ELAPOR2: variants seen among roughly 807,000 people sequenced by gnomAD.
ELAPOR2 encodes the protein endosome-lysosome associated apoptosis and autophagy regulator family member 2, also known as endosome/lysosome-associated apoptosis and autophagy regulator family member 2.
A neutral mutation model predicts 120.7 loss-of-function variants in ELAPOR2; 89 were observed. The ratio of observed to expected loss-of-function variants is 0.74; its 90% CI spans 0.62 to 0.88. The LOEUF is 0.88. Ranked by LOEUF, ELAPOR2 falls within the 40% of genes least tolerant of loss-of-function variation. The pLI, the probability that ELAPOR2 is intolerant of heterozygous loss-of-function variation, is 0.00. For missense variants in ELAPOR2, 1,134 were observed against 1,251.6 expected, an observed-to-expected ratio of 0.91 and a Z score of 1.42; for synonymous variants, 444 against 444.9, an observed-to-expected ratio of 1.00 and a Z score of 0.03.
chr7:86,954,806 C>T (rs925522179), intron 2 of ELAPOR2, among the ~76,000 whole-genome samples: 1 of 152,024 alleles, frequency 6.6e-6, no homozygotes, highest in African/African-American at 2.4e-5. Flanking sequence ...GCCCATATGT[C>T]TATTTTTCTT....
rs1562947118 is a variant in ELAPOR2 at position 86,964,886 on chromosome 7, C to A, written c.310+18G>T. ...TTGTTTAATCAAGAAAACAAATGGTCAAAATGACAAAACATACTGCATTCT... is the reference window on the plus strand; with the variant it reads ...TTGTTTAATCAAGAAAACAAATGGTAAAAATGACAAAACATACTGCATTCT... On this transcript the variant is annotated intron_variant, in intron 2 of 21. Transcript: ENST00000450689. 6.4e-7 allele frequency: 1 copy of A among 1,551,060 alleles called. No homozygotes were observed. Among genetic ancestry groups the A allele is most frequent in the Non-Finnish European group, 8.7e-7 (1 of 1,146,652 alleles).
intron 1 of ELAPOR2, among the ~76,000 whole-genome samples, chr7:86,985,117 C>A (rs1342483873): frequency 1.3e-5 from 2 of 152,120 alleles, no homozygotes; most frequent in African/African-American, 4.8e-5. Context: ...CACACACACC[C>A]TCCCAAGACA....
At chr7:86,904,588 A>C (rs1486903681) in intron 18 of ELAPOR2, among the ~76,000 whole-genome samples, 2 of 152,206 alleles carry the variant, frequency 1.3e-5, no homozygotes, top group Non-Finnish European at 2.9e-5. Context: ...TTATGGAACT[A>C]GAAGCCAACT....
intron 19 of ELAPOR2, among the ~76,000 whole-genome samples, chr7:86,894,574 C>G (rs1788348104): frequency 6.6e-6 from 1 of 151,782 alleles, no homozygotes; most frequent in Non-Finnish European, 1.5e-5. Flanking sequence ...ACTTGCAAAC[C>G]AAGAATGCTT....
chr7:87,059,280 G>C lies in ELAPOR2; in HGVS notation c.189+45C>G, dbSNP rs572654375. 409 of 1,244,726 alleles carry C rather than the reference G, an allele frequency of 3.3e-4. 1 individual carries two copies. Among genetic ancestry groups the C allele is most frequent in the Admixed American group, 3.8e-4 (9 of 23,576 alleles). 77.1% of individuals were successfully genotyped at this position (1,244,726 alleles called of 1,614,324 possible). A position where few individuals can be genotyped will look rare whatever the true frequency, so the allele number is the denominator to read the frequency against. On this transcript the variant is annotated intron_variant, in intron 1 of 21. Coordinates refer to ENST00000450689, the MANE Select transcript of ELAPOR2 (RefSeq NM_001142749.3). ...ACCGCTCTCAGCCTTCATCTTCCGCGCCCTCCCCCAGCAAACTCCAGGTAG... is the reference window on the plus strand; with the variant it reads ...ACCGCTCTCAGCCTTCATCTTCCGCCCCCTCCCCCAGCAAACTCCAGGTAG...
intron 21 of ELAPOR2, 50 bp downstream of exon 21, chr7:86,891,674 C>T: frequency 6.7e-7 from 1 of 1,498,496 alleles, no homozygotes. Context: ...GTTAATATGC[C>T]CTCTACTTTA....
intron 1 of ELAPOR2, among the ~76,000 whole-genome samples, chr7:87,055,736 T>C (rs886219820): frequency 1.3e-5 from 2 of 152,210 alleles, no homozygotes; most frequent in African/African-American, 4.8e-5. Flanking sequence ...TTAACTGCAA[T>C]GTTTGTTTAC....
chr7:86,881,243 C>T (rs1799384954), intron 21 of ELAPOR2, among the ~76,000 whole-genome samples: 1 of 152,138 alleles, frequency 6.6e-6, no homozygotes, highest in African/African-American at 2.4e-5. Context: ...GTCACCTAAG[C>T]TGGAGTACAG....
chr7:86,897,558 C>T lies in ELAPOR2; in HGVS notation c.2633G>A (p.Cys878Tyr). Reference protein sequence around the residue: ...LWESAEACPLCTEHDFHEIEG... With the variant: ...LWESAEACPLYTEHDFHEIEG... ...AATCTCATGGAAGTCATGCTCCGTA[C>T]ACAGAGGGCAAGCTTCAGCACTCTC... The change falls in exon 19 of 22, where the codon TGT (cysteine) becomes TAT (tyrosine). Residue 878 changes from cysteine to tyrosine, a missense_variant. This residue lies in a region of ELAPOR2 where 831 missense variants were observed against 867.6 expected (regional missense o/e 0.96). Transcript: ENST00000450689. 1 of 1,613,350 alleles carries T rather than the reference C, an allele frequency of 6.2e-7. No homozygotes were observed. The highest frequency in any genetic ancestry group is 8.5e-7 in the Non-Finnish European group (1 of 1,179,508).
intron 10 of ELAPOR2, among the ~76,000 whole-genome samples, chr7:86,920,180 G>A (rs2116175204): frequency 6.6e-6 from 1 of 152,244 alleles, no homozygotes; most frequent in South Asian, 2.1e-4. Flanking sequence ...TTTATACAGA[G>A]ATGATATGTT....
intron 10 of ELAPOR2, among the ~76,000 whole-genome samples, chr7:86,921,510 C>T (rs192353038): frequency 1.2e-4 from 19 of 152,102 alleles, no homozygotes; most frequent in Non-Finnish European, 2.8e-4. Flanking sequence ...GGGATATTCC[C>T]CTAAAGGCTT....
At chr7:86,929,388 G>T (rs1012781342) in intron 8 of ELAPOR2, among the ~76,000 whole-genome samples, 2 of 151,916 alleles carry the variant, frequency 1.3e-5, no homozygotes, top group Admixed American at 6.6e-5. Flanking sequence ...ACTGCCTTGT[G>T]CTCCATGATG....
chr7:86,944,832 AACTG>A, intron 4 of ELAPOR2, 63 bp downstream of exon 4: 1 of 1,350,574 alleles, frequency 7.4e-7, no homozygotes, highest in Non-Finnish European at 9.9e-7. Flanking sequence ...GAATGGGAAC[AACTG>A]ACTAAGGGAA....
chr7:86,896,261 A>G (rs1788433393), intron 19 of ELAPOR2, among the ~76,000 whole-genome samples: 1 of 151,840 alleles, frequency 6.6e-6, no homozygotes, highest in Admixed American at 6.6e-5. Context: ...ACTTTATCTC[A>G]CTTTTAGGCA....
intron 2 of ELAPOR2, among the ~76,000 whole-genome samples, chr7:86,951,867 T>G (rs1294220022): frequency 6.6e-6 from 1 of 152,228 alleles, no homozygotes; most frequent in Non-Finnish European, 1.5e-5. Context: ...AACTCATGCC[T>G]GAATAAAGCT....
Position 87,059,315 on chromosome 7 carries a change from T to A in ELAPOR2, c.189+10A>T. The A allele has an allele frequency of 1.6e-6, 2 of 1,248,240 alleles. No homozygotes were observed. The highest frequency in any genetic ancestry group is 2.0e-6 in the Non-Finnish European group (2 of 988,434). The allele number at this position is 1,248,240 out of a possible 1,614,324, so 77.3% of individuals were successfully genotyped here. On this transcript the variant is annotated intron_variant, in intron 1 of 21. Transcript: ENST00000450689. The stretch of plus-strand genomic sequence containing the variant: ...AGCAAACTCCAGGTAGAGGACCAGG[T>A]GCTGCTCACCTCCTGGCAAGGAGGA...
intron 1 of ELAPOR2, among the ~76,000 whole-genome samples, chr7:87,041,026 A>C (rs1794768980): frequency 6.6e-6 from 1 of 152,298 alleles, no homozygotes; most frequent in Admixed American, 6.5e-5. Context: ...ATGGAAGATG[A>C]AATGAATGAA....
intron 21 of ELAPOR2, chr7:86,891,191 T>C (rs1431397352): frequency 3.4e-5 from 5 of 148,262 alleles, no homozygotes; most frequent in African/African-American, 4.9e-5. Context: ...AGGAACAGTA[T>C]GAATGAATGT....
intron 1 of ELAPOR2, among the ~76,000 whole-genome samples, chr7:87,012,805 C>A (rs533668255): frequency 6.6e-6 from 1 of 152,160 alleles, no homozygotes; most frequent in South Asian, 2.1e-4. Flanking sequence ...CAGAAGGTAG[C>A]TTTAAATCTG....
Sources: gnomAD v4.1 joint callset for allele counts (sites outside exome capture counted in the v4.1 genomes callset) on GRCh38, gnomAD v4.1.1 for gene constraint, gnomAD v4.1.1 regional missense constraint, MANE v1.5 for transcripts, NCBI Gene and HGNC (gene_info 2026-07-23, HGNC 2026-07-21) for gene names.